The following RHEB variants were observed in gnomAD, a reference collection of about 807,000 sequenced individuals.
RHEB encodes Ras homolog, mTORC1 binding, also known as GTP-binding protein Rheb.
Under a neutral mutation model 28.8 loss-of-function variants are expected in RHEB, and 2 were observed. The ratio of observed to expected loss-of-function variants is 0.07; its 90% CI spans 0.03 to 0.22. The LOEUF is 0.22. Among genes scored for constraint, RHEB ranks in the 10% least tolerant of loss-of-function variants. The pLI, the probability that RHEB is intolerant of heterozygous loss-of-function variation, is 1.00. For missense variants in RHEB, 76 were observed against 219.9 expected (o/e 0.35, Z 4.14); for synonymous variants, 69 against 77.3 (o/e 0.89, Z 0.56).
chr7:151,519,456 T>A lies in RHEB; in HGVS notation c.52+4A>T. 6.8e-7 allele frequency: 1 copy of A among 1,479,024 alleles called. No homozygotes were observed. The allele number at this position is 1,479,024 out of a possible 1,614,324, so 91.6% of individuals were successfully genotyped here. On this transcript the variant is annotated splice_donor_region_variant and intron_variant, in intron 1 of 7. Transcript: ENST00000262187. ...AGGAGGCCGCGCGGCCACCGGCCAC[T>A]CACCCACAGACCGGTAGCCCAGGAT...
At chr7:151,500,534 T>G (rs139619999) in intron 1 of RHEB, among the ~76,000 whole-genome samples, 142 of 152,256 alleles carry the variant, frequency 9.3e-4, no homozygotes, top group African/African-American at 3.4e-3. Flanking sequence ...CTGAAACAAC[T>G]GGATGTCAAT....
Position 151,468,065 on chromosome 7 carries a change from CCT to C in RHEB, c.463-856_463-855del, listed in dbSNP as rs1269959707. ...AGTCCTGTGGTCATGAAAAACTGCC[CCT>C]GTTCTCAGAAGCCCCACAGGAAGTA... On this transcript the variant is annotated intron_variant, in intron 7 of 7. Transcript: ENST00000262187. The surrounding 1 kb of genome is among the most constrained non-coding windows in gnomAD (Gnocchi z 4.3). Among the ~76,000 whole-genome samples, 2 of 152,048 alleles carry C rather than the reference CCT, an allele frequency of 1.3e-5. No homozygotes were observed. Among genetic ancestry groups the C allele is most frequent in the Non-Finnish European group, 2.9e-5 (2 of 68,004 alleles).
intron 2 of RHEB, among the ~76,000 whole-genome samples, chr7:151,487,849 C>G (rs1197450261): frequency 6.6e-6 from 1 of 152,206 alleles, no homozygotes; most frequent in African/African-American, 2.4e-5. Context: ...CCTAAGTAGA[C>G]TAATAGCTAT....
rs554116118 is a variant in RHEB at position 151,517,690 on chromosome 7, C to CAA, written c.52+1768_52+1769dup. ...ACTGGACATAAGGAACTTCTGTAGC[C>CAA]AAAAAAAAAAAAAAAAAAGTGATAA... On this transcript the variant is annotated intron_variant, in intron 1 of 7. Transcript: ENST00000262187. Among the ~76,000 whole-genome samples the CAA allele has an allele frequency of 4.0e-3, 310 of 76,802 alleles. 2 individuals are homozygous for CAA. Among genetic ancestry groups the CAA allele is most frequent in the African/African-American group, 0.011 (252 of 23,212 alleles). 50.4% of individuals were successfully genotyped at this position (76,802 alleles called of 152,430 possible). A position where few individuals can be genotyped will look rare whatever the true frequency, so the allele number is the denominator to read the frequency against.
At chr7:151,484,603 C>T (rs1354220862) in intron 3 of RHEB, 134 bp downstream of exon 3, 2 of 633,312 alleles carry the variant, frequency 3.2e-6, no homozygotes, top group African/African-American at 1.8e-5. Flanking sequence ...CAAGCCAAAC[C>T]ATTGGGAGTC....
intron 1 of RHEB, among the ~76,000 whole-genome samples, chr7:151,499,910 G>A (rs926534447): frequency 1.3e-5 from 2 of 152,200 alleles, no homozygotes; most frequent in African/African-American, 4.8e-5. Flanking sequence ...CTGGGCTGAA[G>A]GGATCCTCTT....
chr7:151,467,253 C>G (rs775845378), intron 7 of RHEB, 42 bp from the exon 8 acceptor site: 34 of 1,425,936 alleles, frequency 2.4e-5, no homozygotes, highest in Middle Eastern at 3.5e-4. Flanking sequence ...TAGTGTGAAG[C>G]CGAACTCCGA....
chr7:151,498,594 C>A (rs921888118), intron 1 of RHEB, among the ~76,000 whole-genome samples: 7 of 151,992 alleles, frequency 4.6e-5, no homozygotes, highest in African/African-American at 1.5e-4. Context: ...CAGAGTGAGA[C>A]CCTCTCTTAA....
chr7:151,468,710 TC>T lies in RHEB; in HGVS notation c.463-1500del, dbSNP rs1205249142. ...CCACCCACTTGAATGTGGGCTCCCATCCTCAGCCTTCTGTCCTGTTGGTATG... is the reference window on the plus strand; with the variant it reads ...CCACCCACTTGAATGTGGGCTCCCATCTCAGCCTTCTGTCCTGTTGGTATG... On this transcript the variant is annotated intron_variant, in intron 7 of 7. Transcript: ENST00000262187. The surrounding 1 kb of genome is among the most constrained non-coding windows in gnomAD (Gnocchi z 4.3). Among the ~76,000 whole-genome samples the T allele has an allele frequency of 1.3e-5, 2 of 152,250 alleles. No homozygotes were observed. Among genetic ancestry groups the T allele is most frequent in the African/African-American group, 4.8e-5 (2 of 41,476 alleles).
At chr7:151,478,033 C>T (rs986153148) in intron 3 of RHEB, among the ~76,000 whole-genome samples, 2 of 152,124 alleles carry the variant, frequency 1.3e-5, no homozygotes, top group African/African-American at 4.8e-5. Context: ...GAGTTATTTA[C>T]TGAGCAACTC....
chr7:151,502,490 G>T, intron 1 of RHEB: 1 of 908,610 alleles, frequency 1.1e-6, no homozygotes, highest in Non-Finnish European at 1.9e-6. Flanking sequence ...AACTGTAACA[G>T]AAGAAGGAAA....
At chr7:151,500,326 T>C (rs2150933762) in intron 1 of RHEB, among the ~76,000 whole-genome samples, 1 of 151,902 alleles carries the variant, frequency 6.6e-6, no homozygotes, top group South Asian at 2.1e-4. Flanking sequence ...AAGAAAAAAA[T>C]AAGAAAACCT....
rs1210798535 is a variant in RHEB at position 151,516,244 on chromosome 7, G to C, written c.52+3216C>G. ...AGGAAAAGTACAGGGGACTGGCAGG[G>C]AGAATTGTATAGACTACCTGAGAAT... On this transcript the variant is annotated intron_variant, in intron 1 of 7. Coordinates refer to ENST00000262187, the MANE Select transcript of RHEB (RefSeq NM_005614.4). 5.3e-5 allele frequency among the ~76,000 whole-genome samples: 8 copies of C among 152,074 alleles called. No individual in the cohort carries two copies. The East Asian group carries it at 7.7e-4, about 15-fold the overall frequency.
At position 151,471,390 on chromosome 7, in the gene RHEB, A is replaced by G. The variant is rs1473561707; in HGVS notation, c.380+4T>C. 1 of 1,534,712 alleles carries G rather than the reference A, an allele frequency of 6.5e-7. No individual in the cohort carries two copies. Among genetic ancestry groups the G allele is most frequent in the Non-Finnish European group, 9.0e-7 (1 of 1,111,338 alleles). ...TTAGATTTGACTTTATAAAAGCTAC[A>G]TACCTTTCCATATGCAGGTCTTTCT... On this transcript the variant is annotated splice_donor_region_variant and intron_variant, in intron 6 of 7. Transcript: ENST00000262187.
chr7:151,501,460 A>G (rs1802770539), intron 1 of RHEB, among the ~76,000 whole-genome samples: 1 of 152,246 alleles, frequency 6.6e-6, no homozygotes. Context: ...AGTGCTTGCT[A>G]GGACGTGGAG....
At chr7:151,508,846 T>C (rs1802934049) in intron 1 of RHEB, among the ~76,000 whole-genome samples, 1 of 152,120 alleles carries the variant, frequency 6.6e-6, no homozygotes, top group Non-Finnish European at 1.5e-5. Flanking sequence ...AATAGGATCA[T>C]ATTATTTGTA....
rs146257671 is a variant in RHEB, at chr7:151,476,129, G to A, written c.275+1204C>T. On this transcript the variant is annotated intron_variant, in intron 4 of 7. Transcript: ENST00000262187. ...ATGGGGTCTGTTTATAAGAATGGCC[G>A]AGAATGGTACTCAAACATTTTATAG... 7.9e-5 allele frequency among the ~76,000 whole-genome samples: 12 copies of A among 152,258 alleles called. No individual in the cohort carries two copies. In the East Asian group the frequency reaches 1.3e-3, roughly 17 times the overall value.
intron 4 of RHEB, chr7:151,471,893 C>A (rs1236580208): frequency 2.8e-6 from 1 of 362,540 alleles, no homozygotes; most frequent in Non-Finnish European, 4.9e-6. Context: ...TTTAATCACC[C>A]AACTCATTCA....
chr7:151,517,352 G>C lies in RHEB; in HGVS notation c.52+2108C>G, dbSNP rs575805745. Among the ~76,000 whole-genome samples the C allele has an allele frequency of 2.0e-3, 279 of 136,826 alleles. 1 individual carries two copies. Among genetic ancestry groups the C allele is most frequent in the African/African-American group, 7.2e-3 (270 of 37,530 alleles). 89.8% of individuals were successfully genotyped at this position (136,826 alleles called of 152,430 possible). ...CATTGCACTCCAGCCTGGGTCACAA[G>C]AGCGAAACTCCGTCTCGGAAAAAAA... On this transcript the variant is annotated intron_variant, in intron 1 of 7. Transcript: ENST00000262187.
Sources: gnomAD v4.1 joint callset for allele counts (sites outside exome capture counted in the v4.1 genomes callset) on GRCh38, gnomAD v4.1.1 for gene constraint, Gnocchi (gnomAD v3.1) non-coding constraint, MANE v1.5 for transcripts, NCBI Gene and HGNC (gene_info 2026-07-23, HGNC 2026-07-21) for gene names.